PCDHGA5: variants seen among roughly 807,000 people sequenced by gnomAD.
PCDHGA5 encodes protocadherin gamma subfamily A, 5, also known as protocadherin gamma-A5.
In PCDHGA5, 36 loss-of-function variants were observed where a neutral mutation model predicts 56.7. That is an observed-to-expected ratio of 0.64 (90% CI 0.49 to 0.84). The LOEUF (loss-of-function observed/expected upper bound fraction) is 0.84, where lower values mean the gene tolerates loss of function less well. Ranked by LOEUF, PCDHGA5 falls within the 40% of genes least tolerant of loss-of-function variation. The pLI is 0.00. For synonymous variants in PCDHGA5, 563 were observed against 520.2 expected, an observed-to-expected ratio of 1.08 and a Z score of -1.12; for missense variants, 1,305 against 1,201.5, an observed-to-expected ratio of 1.09 and a Z score of -1.27.
intron 1 of PCDHGA5, chr5:141,390,154 C>A: frequency 6.2e-7 from 1 of 1,614,038 alleles, no homozygotes; most frequent in African/African-American, 1.3e-5. Flanking sequence ...GTTGCACATA[C>A]AGGAAAGACG....
intron 1 of PCDHGA5, chr5:141,372,659 T>A: frequency 6.2e-7 from 1 of 1,614,058 alleles, no homozygotes; most frequent in Non-Finnish European, 8.5e-7. Context: ...ACAATCCGTG[T>A]GCTGCCTCAC....
At chr5:141,422,217 C>T (rs1207888890) in intron 1 of PCDHGA5, 2 of 1,563,582 alleles carry the variant, frequency 1.3e-6, no homozygotes, top group Admixed American at 2.0e-5. Context: ...GTCTCTTTAC[C>T]ACCACGACGA....
rs770219250 is a variant in PCDHGA5, at chr5:141,477,852, T to C, written c.2422-16955T>C. Reference sequence around the variant, plus strand: ...CGGCCAGGTGGGAGCTCGGTGGAGATGCTGCCTCGAGGTACCTCAGCTGGC... The same window carrying C: ...CGGCCAGGTGGGAGCTCGGTGGAGACGCTGCCTCGAGGTACCTCAGCTGGC... On this transcript the variant is annotated intron_variant, in intron 1 of 3. Transcript: ENST00000518069. This position sits in a 1 kb window ranked among gnomAD's most constrained non-coding sequence, Gnocchi z 4.9. The C allele has an allele frequency of 6.2e-7, 1 of 1,613,654 alleles. No homozygotes were observed. Among genetic ancestry groups the C allele is most frequent in the Admixed American group, 1.7e-5 (1 of 59,980 alleles).
At chr5:141,428,185 G>A (rs775261215) in intron 1 of PCDHGA5, 1 of 1,446,348 alleles carries the variant, frequency 6.9e-7, no homozygotes, top group Admixed American at 1.8e-5. Context: ...GAGGACAGCC[G>A]CCGCTCTCTG....
chr5:141,431,702 T>C lies in PCDHGA5; in HGVS notation c.2422-63105T>C, dbSNP rs1349630251. The C allele has an allele frequency of 5.6e-6, 9 of 1,614,110 alleles. No individual in the cohort carries two copies. In the East Asian group the frequency reaches 8.9e-5, roughly 16 times the overall value. Reference sequence around the variant, plus strand: ...GTTGGACCACGAGGAGTCAGGATTCTACCAGATGGAAGTGCAAGCAATGGA... The same window carrying C: ...GTTGGACCACGAGGAGTCAGGATTCCACCAGATGGAAGTGCAAGCAATGGA... On this transcript the variant is annotated intron_variant, in intron 1 of 3. Transcript: ENST00000518069. This position sits in a 1 kb window ranked among gnomAD's most constrained non-coding sequence, Gnocchi z 4.8.
At chr5:141,413,639 G>T (rs893578830) in intron 1 of PCDHGA5, 1 of 1,613,736 alleles carries the variant, frequency 6.2e-7, no homozygotes, top group African/African-American at 1.3e-5. Flanking sequence ...GCGGGAATGC[G>T]TTTTCCTCTC....
chr5:141,474,242 G>A (rs575397598), intron 1 of PCDHGA5, among the ~76,000 whole-genome samples: 1 of 152,192 alleles, frequency 6.6e-6, no homozygotes, highest in African/African-American at 2.4e-5. Context: ...GCTGAATAGG[G>A]GAAAAAAAGA....
At chr5:141,423,248 C>A in intron 1 of PCDHGA5, 1 of 1,613,888 alleles carries the variant, frequency 6.2e-7, no homozygotes, top group Non-Finnish European at 8.5e-7. Context: ...GAAGTCCTGG[C>A]GGACCTCGGC....
rs769074023 is a variant in PCDHGA5 at position 141,491,738 on chromosome 5, G to T, written c.2422-3069G>T. On this transcript the variant is annotated intron_variant, in intron 1 of 3. Transcript: ENST00000518069. The surrounding 1 kb of genome is among the most constrained non-coding windows in gnomAD (Gnocchi z 6.9). The stretch of plus-strand genomic sequence containing the variant: ...GCGCCGCCCCGGGCGACCCCTGGGG[G>T]CGGCACTGGAGAAGCCGCCCGTCCT... 38 of 1,600,228 alleles carry T rather than the reference G, an allele frequency of 2.4e-5. No homozygotes were observed. The highest frequency in any genetic ancestry group is 3.1e-5 in the Non-Finnish European group (36 of 1,174,204).
intron 1 of PCDHGA5, chr5:141,395,489 A>T: frequency 4.2e-6 from 2 of 480,562 alleles, no homozygotes; most frequent in Non-Finnish European, 3.6e-6. Flanking sequence ...TCCTATTATC[A>T]CTCATTCACT....
intron 1 of PCDHGA5, chr5:141,409,740 T>C: frequency 6.2e-7 from 1 of 1,612,820 alleles, no homozygotes; most frequent in Non-Finnish European, 8.5e-7. Context: ...CAGAGCGGGG[T>C]GGTGTTCGCG....
rs757707945 is a variant in PCDHGA5 at position 141,399,045 on chromosome 5, A to C, written c.2421+32294A>C. On this transcript the variant is annotated intron_variant, in intron 1 of 3. Coordinates refer to ENST00000518069, the MANE Select transcript of PCDHGA5 (RefSeq NM_018918.3). ...CCACTCAAAAGAAACTGGATTTTGAAGAGACCAAGGAATATTCAATGGTTG... is the reference window on the plus strand; with the variant it reads ...CCACTCAAAAGAAACTGGATTTTGACGAGACCAAGGAATATTCAATGGTTG... The C allele has an allele frequency of 3.1e-6, 5 of 1,613,878 alleles. No individual in the cohort carries two copies. The Admixed American group carries it at 5.0e-5, about 16-fold the overall frequency.
chr5:141,399,093 A>C, intron 1 of PCDHGA5: 1 of 1,613,820 alleles, frequency 6.2e-7, no homozygotes. Flanking sequence ...ATGGTGGTGG[A>C]CTGGTTGCAC....
intron 1 of PCDHGA5, chr5:141,404,337 C>CG (rs1376523964): frequency 1.9e-6 from 3 of 1,613,784 alleles, no homozygotes; most frequent in Non-Finnish European, 2.5e-6. Context: ...GTCTACCTCC[C>CG]GGAAAACAAC....
chr5:141,421,404 G>A, intron 1 of PCDHGA5: 17 of 1,614,080 alleles, frequency 1.1e-5, no homozygotes, highest in Non-Finnish European at 1.4e-5. Flanking sequence ...AGCCCCGGGA[G>A]CTGGCGAAGC....
rs374159387 is a variant in PCDHGA5, at chr5:141,385,182, G to A, written c.2421+18431G>A. 154 of 1,614,138 alleles carry A rather than the reference G, an allele frequency of 9.5e-5. 1 individual carries two copies. The African/African-American group carries it at 1.3e-3, about 14-fold the overall frequency. ...ATTCCCATGAGGTCTCCCTCACCGC[G>A]GACTCTCGGAAGAGTCACCTGATCT... On this transcript the variant is annotated intron_variant, in intron 1 of 3. Coordinates refer to ENST00000518069, the MANE Select transcript of PCDHGA5 (RefSeq NM_018918.3).
chr5:141,477,565 C>T lies in PCDHGA5; in HGVS notation c.2422-17242C>T, dbSNP rs1168703868. 3.1e-6 allele frequency: 5 copies of T among 1,614,146 alleles called. No homozygotes were observed. The highest frequency in any genetic ancestry group is 4.2e-6 in the Non-Finnish European group (5 of 1,180,030). On this transcript the variant is annotated intron_variant, in intron 1 of 3. Transcript: ENST00000518069. The surrounding 1 kb of genome is among the most constrained non-coding windows in gnomAD (Gnocchi z 4.9). ...CAATACTAAACCTAAGTGTCTGGGA[C>T]CCCGACGCCCCGCAGAATGCTCGGC... is the stretch of plus-strand genomic sequence containing the variant.
At chr5:141,389,861 C>T in intron 1 of PCDHGA5, 1 of 1,614,062 alleles carries the variant, frequency 6.2e-7, no homozygotes, top group South Asian at 1.1e-5. Context: ...CCACGTTGCA[C>T]CTGGTCTTCG....
chr5:141,431,222 C>T lies in PCDHGA5; in HGVS notation c.2422-63585C>T. On this transcript the variant is annotated intron_variant, in intron 1 of 3. Transcript: ENST00000518069. The surrounding 1 kb of genome is among the most constrained non-coding windows in gnomAD (Gnocchi z 4.8). ...AGCCACTGAGATGCGGTTCCCTCTA[C>T]CCCACGCCTGGGATCCGGATATCGG... The T allele has an allele frequency of 6.2e-7, 1 of 1,614,170 alleles. No individual in the cohort carries two copies. Among genetic ancestry groups the T allele is most frequent in the South Asian group, 1.1e-5 (1 of 91,090 alleles).
Sources: gnomAD v4.1 joint callset for allele counts (sites outside exome capture counted in the v4.1 genomes callset) on GRCh38, gnomAD v4.1.1 for gene constraint, Gnocchi (gnomAD v3.1) non-coding constraint, MANE v1.5 for transcripts, NCBI Gene and HGNC (gene_info 2026-07-23, HGNC 2026-07-21) for gene names.